Variants in BPTF observed in about 807,000 individuals in gnomAD.
BPTF encodes bromodomain PHD finger transcription factor, also known as nucleosome-remodeling factor subunit BPTF.
BPTF carries 18 observed loss-of-function variants against 292.5 expected under a neutral mutation model. The ratio of observed to expected loss-of-function variants is 0.06; its 90% CI spans 0.04 to 0.09. BPTF has a LOEUF of 0.09. Among genes scored for constraint, BPTF ranks in the 10% least tolerant of loss-of-function variants. The pLI is 1.00. For synonymous variants in BPTF, 1,225 were observed against 1,251.9 expected (o/e 0.98, Z 0.45); for missense variants, 2,726 against 3,498.7 (o/e 0.78, Z 5.57).
chr17:67,973,759 G>A (rs550586504), intron 26 of BPTF, among the ~76,000 whole-genome samples: 4 of 151,752 alleles, frequency 2.6e-5, no homozygotes, highest in Non-Finnish European at 4.4e-5. Context: ...CGCCCACCTC[G>A]GCCTCCCAAA....
chr17:67,885,101 G>A (rs943199265), intron 4 of BPTF, among the ~76,000 whole-genome samples: 2 of 152,062 alleles, frequency 1.3e-5, no homozygotes, highest in Admixed American at 1.3e-4. Context: ...GATAGTTACT[G>A]CAATAGACTA....
At chr17:67,843,702 T>G (rs2057763113) in intron 1 of BPTF, among the ~76,000 whole-genome samples, 1 of 148,336 alleles carries the variant, frequency 6.7e-6, no homozygotes, top group African/African-American at 2.5e-5. Context: ...CCTTTGGGTG[T>G]GAGGGTGGTC....
intron 1 of BPTF, among the ~76,000 whole-genome samples, chr17:67,852,270 C>A (rs2058453107): frequency 2.6e-5 from 4 of 151,758 alleles, no homozygotes; most frequent in African/African-American, 9.7e-5. Context: ...TTTATAGATA[C>A]CTGTCCAATT....
intron 25 of BPTF, among the ~76,000 whole-genome samples, chr17:67,964,725 G>A (rs1312936240): frequency 6.6e-6 from 1 of 152,160 alleles, no homozygotes; most frequent in Non-Finnish European, 1.5e-5. Context: ...TCTTGGCCGG[G>A]CATGGTGGCT....
intron 7 of BPTF, among the ~76,000 whole-genome samples, chr17:67,897,124 C>T (rs562464513): frequency 1.7e-4 from 25 of 151,112 alleles, no homozygotes; most frequent in South Asian, 1.5e-3. Context: ...GTCGGGAATT[C>T]GAGACCAGCC....
At position 67,851,274 on chromosome 17, in the gene BPTF, T is replaced by A. The variant is rs867195019; in HGVS notation, c.614-2666T>A. ...CAACTTGTTTTTGCGATTTTCTGCT[T>A]TTTTTTTTTTTTTTTTAATAACCAC... On this transcript the variant is annotated intron_variant, in intron 1 of 27. Coordinates refer to ENST00000306378, the MANE Select transcript of BPTF (RefSeq NM_182641.4). Among the ~76,000 whole-genome samples the A allele has an allele frequency of 7.6e-5, 9 of 118,744 alleles. No homozygotes were observed. In the Middle Eastern group the frequency reaches 0.027, roughly 355 times the overall value. 77.9% of individuals were successfully genotyped at this position (118,744 alleles called of 152,430 possible). A position where few individuals can be genotyped will look rare whatever the true frequency, so the allele number is the denominator to read the frequency against.
chr17:67,982,121 T>C (rs1555696925), intron 27 of BPTF, 131 bp from the exon 28 acceptor site: 1 of 821,190 alleles, frequency 1.2e-6, no homozygotes, highest in East Asian at 2.6e-5. Context: ...TCTTTTCTAT[T>C]CGCTTGCCAA....
intron 1 of BPTF, among the ~76,000 whole-genome samples, chr17:67,838,624 T>C (rs2057315913): frequency 1.3e-5 from 2 of 152,110 alleles, no homozygotes; most frequent in Admixed American, 6.6e-5. Context: ...CTACAGGTGC[T>C]CGCTGCCATG....
chr17:67,923,024 GA>G (rs1173558215), intron 14 of BPTF, 34 bp downstream of exon 14: 25 of 1,566,480 alleles, frequency 1.6e-5, no homozygotes, highest in Non-Finnish European at 1.8e-5. Flanking sequence ...TCAGCTATTT[GA>G]AGATTTTATC....
intron 3 of BPTF, among the ~76,000 whole-genome samples, chr17:67,870,871 G>A (rs532851500): frequency 2.9e-5 from 4 of 138,506 alleles, no homozygotes; most frequent in East Asian, 2.2e-4. Flanking sequence ...CCGGGTTCAC[G>A]CCATTCTCCT....
intron 23 of BPTF, among the ~76,000 whole-genome samples, chr17:67,948,995 CAAAT>C (rs1216764244): frequency 1.3e-5 from 2 of 152,050 alleles, no homozygotes; most frequent in African/African-American, 4.8e-5. Flanking sequence ...ACAAAACAAA[CAAAT>C]AAAAAATTTC....
intron 18 of BPTF, among the ~76,000 whole-genome samples, chr17:67,939,508 G>C (rs1270323940): frequency 1.3e-5 from 2 of 152,144 alleles, no homozygotes; most frequent in East Asian, 1.9e-4. Flanking sequence ...ACTAAAAAGA[G>C]GTTTATGGAA....
At chr17:67,944,771 C>A (rs918296270) in intron 20 of BPTF, among the ~76,000 whole-genome samples, 2 of 152,106 alleles carry the variant, frequency 1.3e-5, no homozygotes, top group Admixed American at 1.3e-4. Context: ...CCTTCTGCTG[C>A]AAGTCATTGT....
At chr17:67,865,678 C>T (rs1215341125) in intron 2 of BPTF, among the ~76,000 whole-genome samples, 1 of 152,170 alleles carries the variant, frequency 6.6e-6, no homozygotes, top group African/African-American at 2.4e-5. Context: ...TGAGTGGGGA[C>T]AGAAATACCA....
At chr17:67,860,530 A>C (rs530523788) in intron 2 of BPTF, among the ~76,000 whole-genome samples, 1 of 152,374 alleles carries the variant, frequency 6.6e-6, no homozygotes, top group African/African-American at 2.4e-5. Context: ...TGAGAAGCCA[A>C]GACATATTCA....
intron 1 of BPTF, among the ~76,000 whole-genome samples, chr17:67,852,050 G>A (rs2058440227): frequency 6.6e-6 from 1 of 151,966 alleles, no homozygotes; most frequent in African/African-American, 2.4e-5. Context: ...GAAGTGAAAT[G>A]ACTTGACTTG....
In BPTF at chr17:67,912,459, C is replaced by G; in HGVS notation, c.4575C>G (p.Ser1525Arg). 1 of 1,613,642 alleles carries G rather than the reference C, an allele frequency of 6.2e-7. No homozygotes were observed. The highest frequency in any genetic ancestry group is 8.5e-7 in the Non-Finnish European group (1 of 1,179,926). The change falls in exon 11 of 28, where the codon AGC becomes AGG. Residue 1525 changes from serine to arginine, a missense_variant. Physicochemically the swap from Ser to Arg is moderately radical, Grantham distance 110. This residue lies in a region of BPTF where 713 missense variants were observed against 714.9 expected (regional missense o/e 1.00). Transcript: ENST00000306378. ...CACCCTCAGCATCTTGTCCAGAAAG[C>G]AATTCAGTTAATCAGGTAGAAGATA... ...TTTPSASCPESNSVNQVEDME... is the reference protein window; with the variant it reads ...TTTPSASCPERNSVNQVEDME...
At chr17:67,885,703 T>A (rs1180236437) in intron 4 of BPTF, among the ~76,000 whole-genome samples, 1 of 152,216 alleles carries the variant, frequency 6.6e-6, no homozygotes, top group East Asian at 1.9e-4. Flanking sequence ...TCTAATACTA[T>A]TTGAGTACTT....
At position 67,959,774 on chromosome 17, in the gene BPTF, C is replaced by T; in HGVS notation, c.8160C>T (p.Ser2720=). 1 of 1,613,642 alleles carries T rather than the reference C, an allele frequency of 6.2e-7. No individual in the cohort carries two copies. The highest frequency in any genetic ancestry group is 8.5e-7 in the Non-Finnish European group (1 of 1,179,788). The change falls in exon 24 of 28, where the codon AGC becomes AGT. Residue 2720 remains serine, a synonymous_variant. Coordinates refer to ENST00000306378, the MANE Select transcript of BPTF (RefSeq NM_182641.4). Reference sequence around the variant, plus strand: ...AGCGGGAAGAGGAAAAAGACTCCAGCTCAAAGTCCAAGAAAAAGAAAATGA... The same window carrying T: ...AGCGGGAAGAGGAAAAAGACTCCAGTTCAAAGTCCAAGAAAAAGAAAATGA... The part of the protein sequence containing the change: ...KRKREEEKDS[S]SKSKKKKMIS...
Sources: allele counts gnomAD v4.1 joint callset (sites outside exome capture counted in the v4.1 genomes callset), GRCh38; gene constraint gnomAD v4.1.1; regional missense constraint gnomAD v4.1.1; transcripts MANE v1.5; gene names NCBI Gene and HGNC (gene_info 2026-07-23, HGNC 2026-07-21).